Variants in KRT5 observed in about 807,000 individuals in gnomAD.
The protein encoded by KRT5 is keratin, type II cytoskeletal 5.
Under a neutral mutation model 44.0 loss-of-function variants are expected in KRT5, and 17 were observed. The ratio of observed to expected loss-of-function variants is 0.39; its 90% CI spans 0.26 to 0.58. The LOEUF (loss-of-function observed/expected upper bound fraction) is 0.58. KRT5 is among the 20% of genes least tolerant of loss of function. KRT5 has a pLI of 0.61. For missense variants in KRT5, 737 were observed against 785.5 expected (o/e 0.94, Z 0.74); for synonymous variants, 329 against 312.8 (o/e 1.05, Z -0.55).
At chr12:52,518,796 ATTTG>A in intron 2 of KRT5, 146 bp downstream of exon 2, 9 of 962,920 alleles carry the variant, frequency 9.3e-6, no homozygotes, top group Non-Finnish European at 1.3e-5. Context: ...TGGCTTGTGT[ATTTG>A]TTTGTTTGTT....
chr12:52,518,584 T>C (rs1279130078), intron 2 of KRT5: 1 of 553,476 alleles, frequency 1.8e-6, no homozygotes, highest in Non-Finnish European at 3.3e-6. Flanking sequence ...GCCACCAAGC[T>C]GGGTTATGTC....
At position 52,517,347 on chromosome 12, in the gene KRT5, G is replaced by T. The variant is rs74093471; in HGVS notation, c.1093-115C>A. The T allele has an allele frequency of 4.4e-3, 5,882 of 1,324,842 alleles. 184 individuals carry two copies. The African/African-American group carries it at 0.074, about 17-fold the overall frequency. The allele number at this position is 1,324,842 out of a possible 1,614,324, so 82.1% of individuals were successfully genotyped here. Reference sequence around the variant, plus strand: ...GGCAAATAGTGTGGGGCTGGTTCAGGCTTTTCCAAGGCTGAGCTAGTCTAG... The same window carrying T: ...GGCAAATAGTGTGGGGCTGGTTCAGTCTTTTCCAAGGCTGAGCTAGTCTAG... On this transcript the variant is annotated intron_variant, in intron 5 of 8. Transcript: ENST00000252242.
At position 52,520,074 on chromosome 12, in the gene KRT5, A is replaced by G. The variant is rs1283483642; in HGVS notation, c.223T>C (p.Ser75Pro). Residue 75 changes from serine to proline, a missense_variant, in exon 1 of 9, where the codon TCC becomes CCC. By Grantham distance (74) the Ser-to-Pro change is moderately conservative (BLOSUM62 -1). Transcript: ENST00000252242. ...LYNLGGSKRI[S>P]ISTSGGSFRN... The stretch of plus-strand genomic sequence containing the variant: ...AAGCTGCCACCACTAGTGCTGATGG[A>G]TATCCTCTTGGAGCCCCCCAGGTTG... 2 of 1,613,906 alleles carry G rather than the reference A, an allele frequency of 1.2e-6. No homozygotes were observed. The highest frequency in any genetic ancestry group is 1.3e-5 in the African/African-American group (1 of 74,836).
Position 52,515,087 on chromosome 12 carries a change from C to A in KRT5, c.1628G>T (p.Gly543Val). 1 of 1,612,768 alleles carries A rather than the reference C, an allele frequency of 6.2e-7. No homozygotes were observed. The highest frequency in any genetic ancestry group is 8.5e-7 in the Non-Finnish European group (1 of 1,179,478). The change falls in exon 9 of 9, where the codon GGT becomes GTT. Residue 543 changes from glycine to valine, a missense_variant. Gly to Val is a moderately radical substitution (Grantham distance 109). Around this residue, in one of 5 missense-constraint regions of KRT5, gnomAD observed 344 missense variants for 351.6 expected, o/e 0.98. Transcript: ENST00000252242. ...AGAGCCCCCCACACTGAGCCCACCA[C>A]CTAGGCCGACACCCCCACTGCTGCT... is the stretch of plus-strand genomic sequence containing the variant. ...YSSSSGGVGL[G>V]GGLSVGGSGF...
In KRT5 at chr12:52,514,910, G is replaced by A. The variant is rs756604202; in HGVS notation, c.*32C>T. The A allele has an allele frequency of 6.3e-7, 1 of 1,586,108 alleles. No individual in the cohort carries two copies. Among genetic ancestry groups the A allele is most frequent in the Non-Finnish European group, 8.7e-7 (1 of 1,155,260 alleles). ...GGCAATCTCCATGGGCTGGGTTGCT[G>A]CACTTGGAAGGCAGTGACTTGCAGC... On this transcript the variant is annotated 3_prime_UTR_variant, in exon 9 of 9. Coordinates refer to ENST00000252242, the MANE Select transcript of KRT5 (RefSeq NM_000424.4).
intron 2 of KRT5, 32 bp downstream of exon 2, chr12:52,518,914 C>A (rs1353795996): frequency 6.2e-7 from 1 of 1,613,558 alleles, no homozygotes; most frequent in Admixed American, 1.7e-5. Flanking sequence ...AGACACCACC[C>A]TCCCCTGTGT....
At position 52,520,362 on chromosome 12, in the gene KRT5, A is replaced by C; in HGVS notation, c.-66T>G. ...TGGGTTGGGAGGTGCTGGAGAGAAC[A>C]GAGCTCAGCAGGACGCAGAAGGTGG... On this transcript the variant is annotated 5_prime_UTR_variant, in exon 1 of 9. Transcript: ENST00000252242. 11 of 1,471,606 alleles carry C rather than the reference A, an allele frequency of 7.5e-6. No individual in the cohort carries two copies. The South Asian group carries it at 1.3e-4, about 17-fold the overall frequency. 91.2% of individuals were successfully genotyped at this position (1,471,606 alleles called of 1,614,324 possible).
intron 2 of KRT5, among the ~76,000 whole-genome samples, 197 bp downstream of exon 2, chr12:52,518,749 G>T (rs901188444): frequency 2.0e-4 from 31 of 152,330 alleles, no homozygotes; most frequent in Non-Finnish European, 2.9e-4. Context: ...CTTGCAGAGG[G>T]CCTGAGCCTG....
chr12:52,520,101 A>G lies in KRT5; in HGVS notation c.196T>C (p.Tyr66His). ...GVGGYGSRSL[Y>H]NLGGSKRISI... ...ATCCTCTTGGAGCCCCCCAGGTTGT[A>G]GAGGCTCCGGCTGCCATAGCCACCC... The change falls in exon 1 of 9, where the codon TAC becomes CAC. Residue 66 changes from tyrosine to histidine, a missense_variant. By Grantham distance (83) the Tyr-to-His change is moderately conservative. This residue lies in a region of KRT5 where 326 missense variants were observed against 333.1 expected (regional missense o/e 0.98). Transcript: ENST00000252242. 6.2e-7 allele frequency: 1 copy of G among 1,613,968 alleles called. No individual in the cohort carries two copies. The highest frequency in any genetic ancestry group is 8.5e-7 in the Non-Finnish European group (1 of 1,179,924).
chr12:52,516,851 T>A lies in KRT5; in HGVS notation c.1225A>T (p.Asn409Tyr), dbSNP rs1292567518. The A allele has an allele frequency of 1.2e-6, 2 of 1,614,060 alleles. No homozygotes were observed. The highest frequency in any genetic ancestry group is 1.3e-5 in the African/African-American group (1 of 74,922). The change falls in exon 7 of 9, where the codon AAT (asparagine) becomes TAT (tyrosine). Residue 409 changes from asparagine to tyrosine, a missense_variant. Asn to Tyr is a moderately radical substitution (Grantham distance 143, BLOSUM62 -2). Coordinates refer to ENST00000252242, the MANE Select transcript of KRT5 (RefSeq NM_000424.4). ...GCATCCGCAATGGCGTTCTGCAGAT[T>A]GGCGCACTACAGATAGAAAGGAGGA... ...EIDNVKKQCANLQNAIADAEQ... is the reference protein window; with the variant it reads ...EIDNVKKQCAYLQNAIADAEQ...
Position 52,515,184 on chromosome 12 carries a change from C to G in KRT5, c.1531G>C (p.Gly511Arg), listed in dbSNP as rs1938589443. 6.2e-7 allele frequency: 1 copy of G among 1,611,892 alleles called. No homozygotes were observed. Among genetic ancestry groups the G allele is most frequent in the Non-Finnish European group, 8.5e-7 (1 of 1,179,778 alleles). ...CCGCCGCCAAGACCTCCACCGAGGCCACCGCCATAGCCACTGCCACTGCCA... is the reference window on the plus strand; with the variant it reads ...CCGCCGCCAAGACCTCCACCGAGGCGACCGCCATAGCCACTGCCACTGCCA... ...GYGSGSGYGG[G>R]LGGGLGGGLG... The change falls in exon 9 of 9, where the codon GGC (glycine) becomes CGC (arginine). Residue 511 changes from glycine to arginine, a missense_variant. Physicochemically the swap from Gly to Arg is moderately radical, Grantham distance 125. Transcript: ENST00000252242.
rs368543262 is a variant in KRT5, at chr12:52,519,945, C to T, written c.352G>A (p.Gly118Ser). 67 of 1,612,750 alleles carry T rather than the reference C, an allele frequency of 4.2e-5. No homozygotes were observed. Among genetic ancestry groups the T allele is most frequent in the South Asian group, 8.8e-5 (8 of 90,892 alleles). Residue 118 changes from glycine (G) to serine (S), a missense_variant, in exon 1 of 9, where the codon GGT (glycine) becomes AGT (serine). Physicochemically the swap from Gly to Ser is moderately conservative, Grantham distance 56. This residue lies in a region of KRT5 where 326 missense variants were observed against 333.1 expected (regional missense o/e 0.98). Coordinates refer to ENST00000252242, the MANE Select transcript of KRT5 (RefSeq NM_000424.4). Reference sequence around the variant, plus strand: ...CCACCTCCAAAGCCAGCTCCGCCACCGAGCCCAAAGCCACCACCAGCTCCA... The same window carrying T: ...CCACCTCCAAAGCCAGCTCCGCCACTGAGCCCAAAGCCACCACCAGCTCCA... ...GGGAGGGFGL[G>S]GGAGFGGGFG... is the part of the protein sequence containing the mutation.
In KRT5 at chr12:52,520,035, CA is replaced by C; in HGVS notation, c.261del (p.Phe87LeufsTer64). The C allele has an allele frequency of 6.2e-7, 1 of 1,614,086 alleles. No homozygotes were observed. Among genetic ancestry groups the C allele is most frequent in the Non-Finnish European group, 8.5e-7 (1 of 1,180,010 alleles). On this transcript the variant is annotated frameshift_variant, in exon 1 of 9. Transcript: ENST00000252242. LOFTEE classifies it high-confidence loss of function. ...CCATAGCCGCCTCCAGCACCAGCAC[CA>C]AACCGGTTCCTGAAGCTGCCACCAC... ...STSGGSFRNR[F>X]GAGAGGGYGF...
At chr12:52,518,914 C>T (rs1353795996) in intron 2 of KRT5, 32 bp downstream of exon 2, 1 of 1,613,440 alleles carries the variant, frequency 6.2e-7, no homozygotes, top group African/African-American at 1.3e-5. Flanking sequence ...AGACACCACC[C>T]TCCCCTGTGT....
intron 7 of KRT5, chr12:52,516,067 C>G (rs759586660): frequency 1.7e-5 from 10 of 595,024 alleles, no homozygotes; most frequent in Non-Finnish European, 2.7e-5. Context: ...TCTTCTCCAC[C>G]CACTATGGGG....
chr12:52,518,174 A>G lies in KRT5; in HGVS notation c.771-11T>C, dbSNP rs768490522. ...ATTTCATCCTCATACCTGGTGGTGA[A>G]AGGGATGGGAAGTGTTTGTCAGAGG... is the stretch of plus-strand genomic sequence containing the variant. On this transcript the variant is annotated splice_polypyrimidine_tract_variant and intron_variant, in intron 2 of 8. Transcript: ENST00000252242. 2.5e-6 allele frequency: 4 copies of G among 1,613,786 alleles called. No homozygotes were observed. In the Admixed American group the frequency reaches 5.0e-5, roughly 20 times the overall value.
intron 6 of KRT5, 122 bp downstream of exon 6, chr12:52,516,985 A>C (rs1358509756): frequency 3.4e-6 from 5 of 1,490,930 alleles, no homozygotes; most frequent in Middle Eastern, 2.1e-4. Context: ...GTGGCAGGAC[A>C]CTGAAACACT....
At position 52,517,747 on chromosome 12, in the gene KRT5, G is replaced by T. The variant is rs1262405903; in HGVS notation, c.935C>A (p.Ser312Tyr). 1.2e-6 allele frequency: 2 copies of T among 1,614,226 alleles called. No homozygotes were observed. Among genetic ancestry groups the T allele is most frequent in the African/African-American group, 1.3e-5 (1 of 75,062 alleles). The change falls in exon 5 of 9, where the codon TCC becomes TAC. Residue 312 changes from serine (S) to tyrosine (Y), a missense_variant. This residue lies in a region of KRT5 where 59 missense variants were observed against 62.5 expected (regional missense o/e 0.94). Transcript: ENST00000252242. ...FMKMFFDAEL[S>Y]QMQTHVSDTS... ...GTCAGAGACATGCGTCTGCATCTGG[G>T]ACAGCTCCTGCAGGGAGATTTGGAG...
At chr12:52,518,206 A>T in intron 2 of KRT5, 43 bp from the exon 3 acceptor site, 1 of 1,583,368 alleles carries the variant, frequency 6.3e-7, no homozygotes, top group Non-Finnish European at 8.7e-7. Context: ...GAGGATGAGC[A>T]ACAGGTAAGG....
Sources: allele counts gnomAD v4.1 joint callset (sites outside exome capture counted in the v4.1 genomes callset), GRCh38; gene constraint gnomAD v4.1.1; regional missense constraint gnomAD v4.1.1; transcripts MANE v1.5; gene names NCBI Gene and HGNC (gene_info 2026-07-23, HGNC 2026-07-21).